The following DLG2 variants were observed in gnomAD, a reference collection of about 807,000 sequenced individuals.
DLG2 encodes the protein discs large MAGUK scaffold protein 2, also known as disks large homolog 2.
In DLG2, 45 loss-of-function variants were observed where a neutral mutation model predicts 132.5. The observed-to-expected ratio is 0.34, with a 90% confidence interval of 0.27 to 0.44. DLG2 has a LOEUF of 0.44. DLG2 is among the 20% of genes least tolerant of loss of function. The pLI, the probability that DLG2 is intolerant of heterozygous loss-of-function variation, is 1.00. For missense variants in DLG2, 1,045 were observed against 1,196.9 expected, an observed-to-expected ratio of 0.87 and a Z score of 1.87; for synonymous variants, 424 against 419.6, an observed-to-expected ratio of 1.01 and a Z score of -0.13.
At chr11:85,510,226 G>A (rs1289855331) in intron 3 of DLG2, among the ~76,000 whole-genome samples, 1 of 151,964 alleles carries the variant, frequency 6.6e-6, no homozygotes, top group Non-Finnish European at 1.5e-5. Flanking sequence ...CATACAATAT[G>A]AGAGGCTAAA....
At chr11:85,625,658 C>A (rs754011516) in intron 2 of DLG2, among the ~76,000 whole-genome samples, 1 of 152,182 alleles carries the variant, frequency 6.6e-6, no homozygotes, top group African/African-American at 2.4e-5. Flanking sequence ...TCACCCAGAG[C>A]TTTAGTTTCA....
chr11:84,949,662 C>CCTGG (rs1249762003), intron 6 of DLG2, among the ~76,000 whole-genome samples: 1 of 152,160 alleles, frequency 6.6e-6, no homozygotes, highest in Non-Finnish European at 1.5e-5. Flanking sequence ...CTCTGTTCTG[C>CCTGG]CTGGCTCACC....
intron 7 of DLG2, among the ~76,000 whole-genome samples, chr11:84,517,104 G>T (rs1389499486): frequency 6.9e-6 from 1 of 145,504 alleles, no homozygotes; most frequent in Admixed American, 6.9e-5. Flanking sequence ...GCAATAATTT[G>T]GGGATATGGC....
At chr11:85,016,141 A>T (rs2059557053) in intron 6 of DLG2, among the ~76,000 whole-genome samples, 2 of 152,106 alleles carry the variant, frequency 1.3e-5, no homozygotes, top group African/African-American at 4.8e-5. Flanking sequence ...ATATAATAAT[A>T]TTGTCATTGA....
At chr11:85,466,675 G>A (rs1258620152) in intron 3 of DLG2, among the ~76,000 whole-genome samples, 2 of 152,164 alleles carry the variant, frequency 1.3e-5, no homozygotes, top group African/African-American at 4.8e-5. Flanking sequence ...CTATATCTCT[G>A]TTTTGGTACC....
intron 6 of DLG2, among the ~76,000 whole-genome samples, chr11:84,741,718 C>T (rs538693321): frequency 1.3e-5 from 2 of 151,938 alleles, no homozygotes; most frequent in African/African-American, 4.8e-5. Context: ...TTCCACCAGA[C>T]ACGTATAAGT....
chr11:83,733,180 G>T (rs1419694765), intron 18 of DLG2, among the ~76,000 whole-genome samples: 1 of 144,934 alleles, frequency 6.9e-6, no homozygotes, highest in African/African-American at 2.6e-5. Flanking sequence ...GGCAGAGGTT[G>T]CAGGGAGCTG....
chr11:85,568,074 G>T (rs1218161313), intron 3 of DLG2, among the ~76,000 whole-genome samples: 7 of 150,532 alleles, frequency 4.7e-5, no homozygotes, highest in African/African-American at 1.7e-4. Context: ...GAGTGCAATG[G>T]CGCGATCTTG....
chr11:85,549,289 C>T (rs1361727440), intron 3 of DLG2, among the ~76,000 whole-genome samples: 1 of 152,140 alleles, frequency 6.6e-6, no homozygotes, highest in Admixed American at 6.5e-5. Flanking sequence ...CCTGCTTCCA[C>T]TCGCCCTCCT....
At chr11:83,604,849 T>C (rs2059090473) in intron 19 of DLG2, among the ~76,000 whole-genome samples, 1 of 152,158 alleles carries the variant, frequency 6.6e-6, no homozygotes, top group African/African-American at 2.4e-5. Flanking sequence ...AATTTAAAAT[T>C]TTGTTTTAAA....
intron 7 of DLG2, among the ~76,000 whole-genome samples, chr11:84,295,279 T>C (rs1264133540): frequency 6.6e-6 from 1 of 152,092 alleles, no homozygotes; most frequent in East Asian, 1.9e-4. Flanking sequence ...ATTTTGGGGG[T>C]TATGTTAAAA....
chr11:83,715,471 C>A (rs539880984), intron 18 of DLG2, among the ~76,000 whole-genome samples: 1 of 152,258 alleles, frequency 6.6e-6, no homozygotes, highest in Admixed American at 6.5e-5. Context: ...ACTAAAGAGG[C>A]AAGAGAGCAG....
intron 6 of DLG2, among the ~76,000 whole-genome samples, chr11:84,749,081 C>G (rs2065767872): frequency 6.6e-6 from 1 of 152,136 alleles, no homozygotes; most frequent in Non-Finnish European, 1.5e-5. Context: ...TTGAGATGAT[C>G]TTTCAAGCTT....
At chr11:83,655,088 C>T (rs1268246649) in intron 18 of DLG2, among the ~76,000 whole-genome samples, 2 of 152,192 alleles carry the variant, frequency 1.3e-5, no homozygotes, top group South Asian at 4.1e-4. Context: ...CACATCCATC[C>T]AGTGCTTTTC....
chr11:84,247,239 C>G (rs190037362), intron 8 of DLG2, among the ~76,000 whole-genome samples: 2 of 152,188 alleles, frequency 1.3e-5, no homozygotes, highest in East Asian at 3.9e-4. Context: ...AAAGTGTCTG[C>G]TGAAAGGAGA....
At chr11:84,354,934 G>C (rs1176268460) in intron 7 of DLG2, among the ~76,000 whole-genome samples, 2 of 152,092 alleles carry the variant, frequency 1.3e-5, no homozygotes, top group Admixed American at 6.6e-5. Context: ...ATTTAAAAAA[G>C]GACATTACCT....
At chr11:85,304,897 A>G (rs950168899) in intron 3 of DLG2, among the ~76,000 whole-genome samples, 1 of 152,208 alleles carries the variant, frequency 6.6e-6, no homozygotes, top group Non-Finnish European at 1.5e-5. Context: ...TTTTATTTCC[A>G]TATTTTTAAA....
rs189690429 is a variant in DLG2, at chr11:84,368,155, T to C, written c.520-116864A>G. Among the ~76,000 whole-genome samples the C allele has an allele frequency of 7.6e-4, 116 of 152,298 alleles. 1 individual carries two copies. The highest frequency in any genetic ancestry group is 7.6e-3 in the Admixed American group (116 of 15,274). The stretch of plus-strand genomic sequence containing the variant: ...TTCTAAACTATAAAAGTGCCTGATG[T>C]TACCACTATCAGCTCTTCTCATTTT... On this transcript the variant is annotated intron_variant, in intron 7 of 27. Transcript: ENST00000376104.
intron 3 of DLG2, among the ~76,000 whole-genome samples, chr11:85,384,545 G>A (rs1182724285): frequency 6.6e-6 from 1 of 152,068 alleles, no homozygotes; most frequent in African/African-American, 2.4e-5. Context: ...GCTGAGGTAA[G>A]TTACTAAATA....
Sources: gnomAD v4.1 joint callset for allele counts (sites outside exome capture counted in the v4.1 genomes callset) on GRCh38, gnomAD v4.1.1 for gene constraint, MANE v1.5 for transcripts, NCBI Gene and HGNC (gene_info 2026-07-23, HGNC 2026-07-21) for gene names.